The following MTMR4 variants were observed in gnomAD, a reference collection of about 807,000 sequenced individuals.
The protein encoded by MTMR4 is myotubularin related protein 4.
Under a neutral mutation model 125.5 loss-of-function variants are expected in MTMR4, and 30 were observed. That is an observed-to-expected ratio of 0.24 (90% CI 0.18 to 0.32). The LOEUF is 0.32. MTMR4 is among the 10% of genes least tolerant of loss of function. The probability of loss-of-function intolerance (pLI) is 1.00; values close to 1 mark genes in which losing one functional copy is unlikely to be tolerated. For missense variants in MTMR4, 1,039 were observed against 1,511.5 expected, an observed-to-expected ratio of 0.69 and a Z score of 5.18; for synonymous variants, 498 against 564.5, an observed-to-expected ratio of 0.88 and a Z score of 1.67.
intron 14 of MTMR4, among the ~76,000 whole-genome samples, chr17:58,500,547 G>A (rs1271180803): frequency 1.3e-5 from 2 of 151,846 alleles, no homozygotes; most frequent in Admixed American, 6.6e-5. Context: ...TCAAGAGATC[G>A]AGACCATCCT....
chr17:58,516,001 C>G (rs554966592), upstream of MTMR4, among the ~76,000 whole-genome samples: 2 of 152,192 alleles, frequency 1.3e-5, no homozygotes, highest in Non-Finnish European at 2.9e-5. Context: ...AGGGCTGTTA[C>G]AGTTAATGGA....
At chr17:58,499,531 G>A (rs1975563888) in intron 14 of MTMR4, among the ~76,000 whole-genome samples, 1 of 151,978 alleles carries the variant, frequency 6.6e-6, no homozygotes, top group Non-Finnish European at 1.5e-5. Flanking sequence ...AATGGAGCGA[G>A]AAAACCCTAC....
At position 58,492,827 on chromosome 17, in the gene MTMR4, T is replaced by C; in HGVS notation, c.3363+15A>G. The C allele has an allele frequency of 6.2e-7, 1 of 1,606,950 alleles. No individual in the cohort carries two copies. Among genetic ancestry groups the C allele is most frequent in the Non-Finnish European group, 8.5e-7 (1 of 1,173,440 alleles). On this transcript the variant is annotated intron_variant, in intron 16 of 17. Transcript: ENST00000682306. ...GGCTCACGTAAGTACCCACCACATA[T>C]GTGCCTAAACATACCTCAGTCTCTT...
intron 15 of MTMR4, 50 bp downstream of exon 15, chr17:58,494,882 C>T: frequency 6.5e-7 from 1 of 1,539,384 alleles, no homozygotes. Context: ...GGAGGGAAGG[C>T]TGGATGAACA....
chr17:58,518,826 T>G (rs1400692357), upstream of MTMR4, among the ~76,000 whole-genome samples: 1 of 152,136 alleles, frequency 6.6e-6, no homozygotes, highest in Non-Finnish European at 1.5e-5. Context: ...TTGATTCAGA[T>G]TCAGCTGATA....
Position 58,503,766 on chromosome 17 carries a change from ACTC to A in MTMR4, c.1828_1830del (p.Glu610del). The stretch of plus-strand genomic sequence containing the variant: ...TACCTGTCCAGAGAGCGGCCAGAGA[ACTC>A]CTGGCTCTGGGCCACTGGGGAAAGG... On this transcript the variant is annotated inframe_deletion, in exon 14 of 18. Transcript: ENST00000682306. 2 of 1,613,912 alleles carry A rather than the reference ACTC, an allele frequency of 1.2e-6. No individual in the cohort carries two copies. The highest frequency in any genetic ancestry group is 1.7e-6 in the Non-Finnish European group (2 of 1,179,910).
rs1293015008 is a variant in MTMR4 at position 58,512,581 on chromosome 17, G to A, written c.136-75C>T. On this transcript the variant is annotated intron_variant, in intron 2 of 17. Transcript: ENST00000682306. This position sits in a 1 kb window ranked among gnomAD's most constrained non-coding sequence, Gnocchi z 4.1. ...TCCTCTTCTACAGCCCCTGATCTGT[G>A]GGATCCCCTCTGGAAAAGGTGGGCC... 2 of 1,253,320 alleles carry A rather than the reference G, an allele frequency of 1.6e-6. No individual in the cohort carries two copies. Among genetic ancestry groups the A allele is most frequent in the Non-Finnish European group, 2.3e-6 (2 of 860,478 alleles). 77.6% of individuals were successfully genotyped at this position (1,253,320 alleles called of 1,614,324 possible).
intron 9 of MTMR4, among the ~76,000 whole-genome samples, chr17:58,505,968 C>T (rs990821264): frequency 1.3e-5 from 2 of 152,134 alleles, no homozygotes; most frequent in African/African-American, 4.8e-5. Flanking sequence ...CAAGAGTGGT[C>T]CTGGTGGACA....
In MTMR4 at chr17:58,508,640, G is replaced by A. The variant is rs1436682429; in HGVS notation, c.496+41C>T. ...GAGTGGAGGAGGGATGAGAACTAAG[G>A]GGTAAGAAGCAGCCTCCCAAAGAAA... On this transcript the variant is annotated intron_variant, in intron 5 of 17. Transcript: ENST00000682306. This position sits in a 1 kb window ranked among gnomAD's most constrained non-coding sequence, Gnocchi z 4.8. 7 of 1,613,660 alleles carry A rather than the reference G, an allele frequency of 4.3e-6. No homozygotes were observed. Among genetic ancestry groups the A allele is most frequent in the African/African-American group, 1.3e-5 (1 of 74,934 alleles).
At chr17:58,493,041 C>T (rs1306207786) in intron 15 of MTMR4, 89 bp from the exon 16 acceptor site, 11 of 914,396 alleles carry the variant, frequency 1.2e-5, no homozygotes, top group Admixed American at 2.0e-5. Context: ...AAGTGCATTA[C>T]ACACATGAAC....
At chr17:58,514,662 G>C (rs974319198), upstream of MTMR4, 63 of 985,218 alleles carry the variant, frequency 6.4e-5, no homozygotes, top group Non-Finnish European at 6.5e-5. Context: ...GAGAGCCCGG[G>C]ACCGCGGCGG....
Position 58,508,120 on chromosome 17 carries a change from A to G in MTMR4, c.707+41T>C, listed in dbSNP as rs966595401. ...CCAATTTTGACTCTTTCCTTGTTGC[A>G]TAAGAAATGGCCTCCCTACTTCCCA... On this transcript the variant is annotated intron_variant, in intron 7 of 17. Coordinates refer to ENST00000682306, the MANE Select transcript of MTMR4 (RefSeq NM_001378067.1). The surrounding 1 kb of genome is among the most constrained non-coding windows in gnomAD (Gnocchi z 4.8). 3.3e-6 allele frequency: 5 copies of G among 1,492,902 alleles called. No individual in the cohort carries two copies. Among genetic ancestry groups the G allele is most frequent in the Non-Finnish European group, 4.7e-6 (5 of 1,074,520 alleles). The allele number at this position is 1,492,902 out of a possible 1,614,324, so 92.5% of individuals were successfully genotyped here. A position where few individuals can be genotyped will look rare whatever the true frequency, so the allele number is the denominator to read the frequency against.
rs185448902 is a variant in MTMR4 at position 58,500,272 on chromosome 17, G to A, written c.1853+3472C>T. The stretch of plus-strand genomic sequence containing the variant: ...CCTCCAAGTAGCTGGGACCACAGGC[G>A]CACGCCACCATGCCTGGCTAATTTT... On this transcript the variant is annotated intron_variant, in intron 14 of 17. Transcript: ENST00000682306. Among the ~76,000 whole-genome samples, 11 of 152,198 alleles carry A rather than the reference G, an allele frequency of 7.2e-5. No homozygotes were observed. In the East Asian group the frequency reaches 7.7e-4, roughly 11 times the overall value.
rs1478652482 is a variant in MTMR4 at position 58,508,045 on chromosome 17, T to A, written c.707+116A>T. 4.3e-6 allele frequency: 3 copies of A among 694,604 alleles called. No homozygotes were observed. The highest frequency in any genetic ancestry group is 4.9e-6 in the Non-Finnish European group (2 of 407,358). 43.0% of individuals were successfully genotyped at this position (694,604 alleles called of 1,614,324 possible). A position where few individuals can be genotyped will look rare whatever the true frequency, so the allele number is the denominator to read the frequency against. ...TAGTTTTTGTTTTAAAGTTATTTCA[T>A]ACTTCCCCATAGAGTGTCAATTCTC... On this transcript the variant is annotated intron_variant, in intron 7 of 17. Coordinates refer to ENST00000682306, the MANE Select transcript of MTMR4 (RefSeq NM_001378067.1). The surrounding 1 kb of genome is among the most constrained non-coding windows in gnomAD (Gnocchi z 4.8).
rs147360167 is a variant in MTMR4 at position 58,503,370 on chromosome 17, G to A, written c.1853+374C>T. ...CTTTTAAATACCTCAGAAAGAGGCC[G>A]GGCACGGTGGCTCACGCCTGTAATC... is the stretch of plus-strand genomic sequence containing the variant. On this transcript the variant is annotated intron_variant, in intron 14 of 17. Transcript: ENST00000682306. 1.6e-3 allele frequency among the ~76,000 whole-genome samples: 239 copies of A among 152,272 alleles called. 1 individual carries two copies. Among genetic ancestry groups the A allele is most frequent in the African/African-American group, 5.5e-3 (227 of 41,560 alleles).
chr17:58,501,163 T>C (rs1975614981), intron 14 of MTMR4, among the ~76,000 whole-genome samples: 2 of 152,202 alleles, frequency 1.3e-5, no homozygotes, highest in African/African-American at 4.8e-5. Flanking sequence ...GCTGGGCTTT[T>C]TGTTTTCCTT....
At position 58,507,322 on chromosome 17, in the gene MTMR4, G is replaced by T; in HGVS notation, c.708-3C>A. 1 of 1,611,058 alleles carries T rather than the reference G, an allele frequency of 6.2e-7. No individual in the cohort carries two copies. The highest frequency in any genetic ancestry group is 1.1e-5 in the South Asian group (1 of 91,038). On this transcript the variant is annotated splice_region_variant and splice_polypyrimidine_tract_variant and intron_variant, in intron 7 of 17. Transcript: ENST00000682306. ...TGGCAGCCCCATTGCGCAAGTGTCTGACAAAACAGAAGAAACCGTAATGCC... is the reference window on the plus strand; with the variant it reads ...TGGCAGCCCCATTGCGCAAGTGTCTTACAAAACAGAAGAAACCGTAATGCC...
rs1321646021 is a variant in MTMR4, at chr17:58,496,027, A to G, written c.2157T>C (p.Leu719=). 5 of 1,613,980 alleles carry G rather than the reference A, an allele frequency of 3.1e-6. No individual in the cohort carries two copies. In the African/African-American group the frequency reaches 6.7e-5, roughly 22 times the overall value. ...TCATTTCCCGAGGCACTGCGGTATT[A>G]AGCAGTTTGTAACTTGGAGAACAGC... The part of the protein sequence containing the change: ...HKSCSPSYKL[L]NTAVPREMKS... The change falls in exon 15 of 18, where the codon CTT becomes CTC. Residue 719 remains leucine, a synonymous_variant. Transcript: ENST00000682306.
rs777119422 is a variant in MTMR4, at chr17:58,495,832, G to A, written c.2352C>T (p.Asn784=). Residue 784 remains asparagine, a synonymous_variant, in exon 15 of 18, where the codon AAC becomes AAT. Coordinates refer to ENST00000682306, the MANE Select transcript of MTMR4 (RefSeq NM_001378067.1). The part of the protein sequence containing the change: ...AVSALSKVIS[N]KCDGVCNFPE... ...GAAAATTACAAACTCCATCACACTTGTTAGAAATGACCTTGGAGAGTGCAC... is the reference window on the plus strand; with the variant it reads ...GAAAATTACAAACTCCATCACACTTATTAGAAATGACCTTGGAGAGTGCAC... 6.2e-7 allele frequency: 1 copy of A among 1,614,140 alleles called. No individual in the cohort carries two copies. Among genetic ancestry groups the A allele is most frequent in the Non-Finnish European group, 8.5e-7 (1 of 1,180,040 alleles).
Sources: allele counts gnomAD v4.1 joint callset (sites outside exome capture counted in the v4.1 genomes callset), GRCh38; gene constraint gnomAD v4.1.1; non-coding constraint Gnocchi (gnomAD v3.1); transcripts MANE v1.5; gene names NCBI Gene and HGNC (gene_info 2026-07-23, HGNC 2026-07-21).